NBEA: variants seen among roughly 807,000 people sequenced by gnomAD.
The protein encoded by NBEA is neurobeachin, also known as lysosomal-trafficking regulator 2.
Under a neutral mutation model 343.4 loss-of-function variants are expected in NBEA, and 44 were observed. That is an observed-to-expected ratio of 0.13 (90% confidence interval 0.10 to 0.16). The LOEUF (loss-of-function observed/expected upper bound fraction) is 0.16, where lower values mean the gene tolerates loss of function less well. Among genes scored for constraint, NBEA ranks in the 10% least tolerant of loss-of-function variants. The pLI, the probability that NBEA is intolerant of heterozygous loss-of-function variation, is 1.00. For missense variants in NBEA, 2,555 were observed against 3,631.3 expected, an observed-to-expected ratio of 0.70 and a Z score of 7.62; for synonymous variants, 1,175 against 1,238.7, an observed-to-expected ratio of 0.95 and a Z score of 1.08.
At chr13:35,611,744 T>G (rs1009254453) in intron 48 of NBEA, among the ~76,000 whole-genome samples, 3 of 152,226 alleles carry the variant, frequency 2.0e-5, no homozygotes, top group Non-Finnish European at 4.4e-5. Flanking sequence ...ATTGGTACTT[T>G]GCCCAACTTT....
intron 37 of NBEA, among the ~76,000 whole-genome samples, chr13:35,349,583 C>T (rs1435337110): frequency 2.0e-5 from 3 of 151,368 alleles, no homozygotes; most frequent in Non-Finnish European, 2.9e-5. Context: ...TATGAATAAA[C>T]TCATATAAGA....
In NBEA at chr13:35,265,060, C is replaced by CA. The variant is rs546070658; in HGVS notation, c.5777-25323dup. ...AAGTTGCAGAACGCAAATCAATATACAAAAAATCAATAGTGTTTCTATACA... is the reference window on the plus strand; with the variant it reads ...AAGTTGCAGAACGCAAATCAATATACAAAAAAATCAATAGTGTTTCTATACA... On this transcript the variant is annotated intron_variant, in intron 34 of 58. Coordinates refer to ENST00000379939, the MANE Select transcript of NBEA (RefSeq NM_001385012.1). Among the ~76,000 whole-genome samples, 24 of 151,870 alleles carry CA rather than the reference C, an allele frequency of 1.6e-4. No homozygotes were observed. In the South Asian group the frequency reaches 5.0e-3, roughly 32 times the overall value.
At chr13:35,464,930 A>G (rs1006589810) in intron 40 of NBEA, among the ~76,000 whole-genome samples, 13 of 152,150 alleles carry the variant, frequency 8.5e-5, no homozygotes, top group Non-Finnish European at 1.0e-4. Flanking sequence ...TGAATGAATG[A>G]ATGCTGAATT....
At chr13:35,622,060 G>A (rs1254508746) in intron 48 of NBEA, among the ~76,000 whole-genome samples, 1 of 152,120 alleles carries the variant, frequency 6.6e-6, no homozygotes, top group Non-Finnish European at 1.5e-5. Flanking sequence ...GAAATTCATA[G>A]AAAAAAACAA....
chr13:35,235,345 T>A (rs1232526021), intron 34 of NBEA, among the ~76,000 whole-genome samples: 1 of 152,202 alleles, frequency 6.6e-6, no homozygotes, highest in African/African-American at 2.4e-5. Flanking sequence ...CTTAAATGTT[T>A]CCTCATTCCC....
At chr13:35,536,415 TG>T (rs1030936970) in intron 41 of NBEA, among the ~76,000 whole-genome samples, 5 of 151,770 alleles carry the variant, frequency 3.3e-5, no homozygotes, top group African/African-American at 1.2e-4. Context: ...TATCTGCATT[TG>T]TTTTTTTTTA....
intron 12 of NBEA, among the ~76,000 whole-genome samples, chr13:35,110,051 TAAATG>T (rs1566299491): frequency 4.6e-5 from 5 of 109,626 alleles, no homozygotes; most frequent in Admixed American, 1.0e-4. Context: ...TTTTTTTTTT[TAAATG>T]TTTTTTTTTT....
At chr13:35,105,224 G>A (rs1440230696) in intron 11 of NBEA, among the ~76,000 whole-genome samples, 2 of 151,950 alleles carry the variant, frequency 1.3e-5, no homozygotes, top group African/African-American at 4.8e-5. Context: ...TTTTCTTTCT[G>A]TCCTTTAATT....
At chr13:35,204,045 C>T (rs943553999) in intron 31 of NBEA, among the ~76,000 whole-genome samples, 1 of 152,106 alleles carries the variant, frequency 6.6e-6, no homozygotes, top group African/African-American at 2.4e-5. Context: ...CTGTCAGGAA[C>T]CAGACAGCAG....
At chr13:35,630,447 G>T (rs1221293890) in intron 49 of NBEA, among the ~76,000 whole-genome samples, 1 of 152,028 alleles carries the variant, frequency 6.6e-6, no homozygotes, top group Non-Finnish European at 1.5e-5. Context: ...AGCATATGTT[G>T]GCATATTATA....
At chr13:35,365,802 C>CT (rs1048851943) in intron 38 of NBEA, among the ~76,000 whole-genome samples, 46 of 151,476 alleles carry the variant, frequency 3.0e-4, no homozygotes, top group African/African-American at 1.1e-3. Flanking sequence ...TGTAAATATC[C>CT]TTTTTTTATA....
chr13:35,574,624 G>T (rs534940046), intron 45 of NBEA, among the ~76,000 whole-genome samples: 1 of 152,140 alleles, frequency 6.6e-6, no homozygotes, highest in East Asian at 1.9e-4. Context: ...GGTGGCTCAC[G>T]TCTGTAATCC....
intron 36 of NBEA, among the ~76,000 whole-genome samples, chr13:35,332,766 A>G (rs1358212425): frequency 1.3e-5 from 2 of 152,188 alleles, no homozygotes; most frequent in East Asian, 3.8e-4. Flanking sequence ...ATTACTTGAA[A>G]GAATTAATAG....
rs763376147 is a variant in NBEA, at chr13:35,159,525, T to TA, written c.3362dup (p.Asn1121LysfsTer2). The TA allele has an allele frequency of 6.2e-7, 1 of 1,611,928 alleles. No individual in the cohort carries two copies. Among genetic ancestry groups the TA allele is most frequent in the South Asian group, 1.1e-5 (1 of 90,932 alleles). Reference sequence around the variant, plus strand: ...ATGTACATGGAAGTGTTGGTATCATTAAAAAAAATGAAGAAAAGGATAATG... The same window carrying TA: ...ATGTACATGGAAGTGTTGGTATCATTAAAAAAAAATGAAGAAAAGGATAATG... On this transcript the variant is annotated frameshift_variant, in exon 22 of 59. Transcript: ENST00000379939. LOFTEE classifies it high-confidence loss of function.
At chr13:35,270,996 GT>G (rs2034097816) in intron 34 of NBEA, among the ~76,000 whole-genome samples, 1 of 152,218 alleles carries the variant, frequency 6.6e-6, no homozygotes, top group South Asian at 2.1e-4. Context: ...GAGAGCAGTG[GT>G]TCCCCCCAGC....
chr13:35,416,662 A>T (rs2043929357), intron 38 of NBEA, among the ~76,000 whole-genome samples: 1 of 152,290 alleles, frequency 6.6e-6, no homozygotes, highest in African/African-American at 2.4e-5. Flanking sequence ...GGATTTTTGC[A>T]TCAATGTTCA....
intron 41 of NBEA, chr13:35,475,555 G>A (rs1428134441): frequency 2.5e-6 from 4 of 1,613,334 alleles, no homozygotes; most frequent in Non-Finnish European, 3.4e-6. Flanking sequence ...GTTGGGTCCC[G>A]GCCAGGGGAT....
At chr13:35,508,219 A>G (rs1156238026) in intron 41 of NBEA, among the ~76,000 whole-genome samples, 1 of 152,162 alleles carries the variant, frequency 6.6e-6, no homozygotes, top group Non-Finnish European at 1.5e-5. Context: ...GCAGATGAGA[A>G]AGAACATGAT....
chr13:35,051,551 A>T (rs1440233084), intron 6 of NBEA, among the ~76,000 whole-genome samples: 4 of 152,060 alleles, frequency 2.6e-5, no homozygotes, highest in African/African-American at 9.7e-5. Context: ...TCAATTTAAC[A>T]GTAATTCATT....
Sources: gnomAD v4.1 joint callset for allele counts (sites outside exome capture counted in the v4.1 genomes callset) on GRCh38, gnomAD v4.1.1 for gene constraint, MANE v1.5 for transcripts, NCBI Gene and HGNC (gene_info 2026-07-23, HGNC 2026-07-21) for gene names.